KCNIP4: variants seen among roughly 807,000 people sequenced by gnomAD.
The protein encoded by KCNIP4 is Kv channel-interacting protein 4.
In KCNIP4, 12 loss-of-function variants were observed where a neutral mutation model predicts 34.0. That is an observed-to-expected ratio of 0.35 (90% CI 0.23 to 0.57). KCNIP4 has a LOEUF of 0.57. Among genes scored for constraint, KCNIP4 ranks in the 20% least tolerant of loss-of-function variants. The pLI, the probability that KCNIP4 is intolerant of heterozygous loss-of-function variation, is 0.83. For missense variants in KCNIP4, 238 were observed against 311.7 expected (o/e 0.76, Z 1.78); for synonymous variants, 124 against 102.2 (o/e 1.21, Z -1.29).
chr4:20,853,782 G>A (rs1220996447), intron 2 of KCNIP4, among the ~76,000 whole-genome samples: 8 of 152,040 alleles, frequency 5.3e-5, no homozygotes, highest in South Asian at 4.1e-4. Context: ...AAAGTACAAC[G>A]AACTCAAATG....
At chr4:21,127,773 A>C (rs1750738394) in intron 1 of KCNIP4, among the ~76,000 whole-genome samples, 1 of 152,240 alleles carries the variant, frequency 6.6e-6, no homozygotes. Flanking sequence ...TGTTTGCTTC[A>C]GTCCCATTTA....
chr4:21,574,484 C>T (rs1407738125), intron 1 of KCNIP4, among the ~76,000 whole-genome samples: 1 of 152,020 alleles, frequency 6.6e-6, no homozygotes, highest in East Asian at 1.9e-4. Flanking sequence ...AAAGATTCCC[C>T]TCTTTTGAAG....
intron 1 of KCNIP4, among the ~76,000 whole-genome samples, chr4:20,913,363 G>A (rs1728509361): frequency 6.6e-6 from 1 of 152,142 alleles, no homozygotes; most frequent in African/African-American, 2.4e-5. Context: ...GCTGATGAAT[G>A]TTAGCCAGGA....
intron 1 of KCNIP4, among the ~76,000 whole-genome samples, chr4:21,149,420 T>A (rs1442868653): frequency 1.3e-5 from 2 of 152,130 alleles, no homozygotes; most frequent in Admixed American, 1.3e-4. Context: ...GAGAGATTAG[T>A]AGGAGTTATC....
At chr4:21,592,508 T>G (rs1461853852) in intron 1 of KCNIP4, among the ~76,000 whole-genome samples, 1 of 152,104 alleles carries the variant, frequency 6.6e-6, no homozygotes, top group Admixed American at 6.6e-5. Context: ...TTTGTTAAGG[T>G]TGATCATCAC....
chr4:20,975,883 T>A (rs549496872), intron 1 of KCNIP4, among the ~76,000 whole-genome samples: 4 of 152,344 alleles, frequency 2.6e-5, no homozygotes, highest in African/African-American at 7.2e-5. Flanking sequence ...TTGTGACATA[T>A]GAAAATTGTA....
At chr4:21,716,242 A>T (rs34105626) in intron 1 of KCNIP4, among the ~76,000 whole-genome samples, 49,295 of 151,736 alleles carry the variant, frequency 0.32, 8,954 homozygotes, top group East Asian at 0.67. Context: ...TTTTAATTTT[A>T]ATTTTTATTT....
chr4:21,352,680 T>G (rs1718136039), intron 1 of KCNIP4, among the ~76,000 whole-genome samples: 1 of 152,234 alleles, frequency 6.6e-6, no homozygotes, highest in Non-Finnish European at 1.5e-5. Flanking sequence ...CCTCTATAGA[T>G]TCCACCTCTG....
At chr4:20,850,445 G>A (rs146345015) in intron 3 of KCNIP4, 98 bp downstream of exon 3, 23,198 of 1,231,544 alleles carry the variant, frequency 0.019, 285 homozygotes, top group Non-Finnish European at 0.021. Flanking sequence ...ACATATGATG[G>A]GGCTCTCATA....
intron 1 of KCNIP4, among the ~76,000 whole-genome samples, chr4:21,103,213 T>G (rs1216625757): frequency 6.6e-6 from 1 of 150,954 alleles, no homozygotes; most frequent in African/African-American, 2.4e-5. Flanking sequence ...GTAAGGTTTC[T>G]CTGAGATTCA....
At chr4:21,429,667 T>G (rs909654768) in intron 1 of KCNIP4, among the ~76,000 whole-genome samples, 4 of 152,224 alleles carry the variant, frequency 2.6e-5, no homozygotes, top group Admixed American at 2.6e-4. Flanking sequence ...ATTTTGGTAA[T>G]TCTAGTGATG....
intron 1 of KCNIP4, among the ~76,000 whole-genome samples, chr4:20,973,367 CCT>C (rs1400043830): frequency 1.3e-5 from 2 of 152,192 alleles, no homozygotes; most frequent in African/African-American, 4.8e-5. Flanking sequence ...AGCTTCCTTA[CCT>C]CTCTCAGCCT....
chr4:21,557,500 A>G (rs923022457), intron 1 of KCNIP4, among the ~76,000 whole-genome samples: 6 of 152,174 alleles, frequency 3.9e-5, no homozygotes, highest in Non-Finnish European at 8.8e-5. Flanking sequence ...TGATTTTATG[A>G]AAACATTGTC....
At chr4:21,883,431 G>C (rs116533928) in intron 1 of KCNIP4, among the ~76,000 whole-genome samples, 1,868 of 152,184 alleles carry the variant, frequency 0.012, 46 homozygotes, top group African/African-American at 0.043. Context: ...TTACAGACAT[G>C]AGCCACAGTG....
At chr4:21,390,320 G>A (rs1193869443) in intron 1 of KCNIP4, among the ~76,000 whole-genome samples, 2 of 152,108 alleles carry the variant, frequency 1.3e-5, no homozygotes, top group Admixed American at 6.6e-5. Flanking sequence ...GATCCCAATT[G>A]TCAATTTTGG....
chr4:21,104,487 G>A (rs1748293539), intron 1 of KCNIP4, among the ~76,000 whole-genome samples: 1 of 152,040 alleles, frequency 6.6e-6, no homozygotes, highest in Non-Finnish European at 1.5e-5. Context: ...GTAGATTCTG[G>A]ATATTAGCCC....
Position 20,816,191 on chromosome 4 carries a change from T to C in KCNIP4, c.288+34352A>G, listed in dbSNP as rs558182913. ...ATCACTTGAACTTGGGAGGCAGAGG[T>C]TCCAGTGATCCGAGATTGCACCCCT... On this transcript the variant is annotated intron_variant, in intron 3 of 8. Transcript: ENST00000382152. Among the ~76,000 whole-genome samples the C allele has an allele frequency of 2.6e-5, 4 of 151,332 alleles. No individual in the cohort carries two copies. In the South Asian group the frequency reaches 8.4e-4, roughly 32 times the overall value.
intron 1 of KCNIP4, among the ~76,000 whole-genome samples, chr4:20,901,330 A>G (rs1286088978): frequency 6.6e-6 from 1 of 152,250 alleles, no homozygotes; most frequent in Non-Finnish European, 1.5e-5. Context: ...AAAATGTAAT[A>G]AGGACATTGG....
At chr4:21,677,941 G>A (rs992062253) in intron 1 of KCNIP4, among the ~76,000 whole-genome samples, 4 of 152,072 alleles carry the variant, frequency 2.6e-5, no homozygotes, top group South Asian at 2.1e-4. Flanking sequence ...TAGTAGAGAC[G>A]GGGTTTCGCC....
Sources: gnomAD v4.1 joint callset for allele counts (sites outside exome capture counted in the v4.1 genomes callset) on GRCh38, gnomAD v4.1.1 for gene constraint, MANE v1.5 for transcripts, NCBI Gene and HGNC (gene_info 2026-07-23, HGNC 2026-07-21) for gene names.